TNFRSF11B: variants seen among roughly 807,000 people sequenced by gnomAD.
TNFRSF11B encodes tumor necrosis factor receptor superfamily member 11B.
Under a neutral mutation model 43.4 loss-of-function variants are expected in TNFRSF11B, and 16 were observed. The ratio of observed to expected loss-of-function variants is 0.37; its 90% CI spans 0.25 to 0.56. The LOEUF is 0.56. Among genes scored for constraint, TNFRSF11B ranks in the 20% least tolerant of loss-of-function variants. The probability of loss-of-function intolerance (pLI) is 0.80; values close to 1 mark genes in which losing one functional copy is unlikely to be tolerated. For synonymous variants in TNFRSF11B, 185 were observed against 181.8 expected (o/e 1.02, Z -0.14); for missense variants, 444 against 490.1 (o/e 0.91, Z 0.89).
At chr8:118,927,551 A>T (rs1458074039) in intron 3 of TNFRSF11B, among the ~76,000 whole-genome samples, 8 of 136,194 alleles carry the variant, frequency 5.9e-5, no homozygotes, top group South Asian at 2.4e-4. Context: ...CCCTTCCTTC[A>T]TTTTTTTTTT....
intron 1 of TNFRSF11B, among the ~76,000 whole-genome samples, chr8:118,942,238 G>C (rs1333663834): frequency 7.5e-6 from 1 of 133,802 alleles, no homozygotes; most frequent in Non-Finnish European, 1.6e-5. Flanking sequence ...CCCATGACAG[G>C]CCCCCCCGTG....
Position 118,924,253 on chromosome 8 carries a change from G to A in TNFRSF11B, c.*121C>T. On this transcript the variant is annotated 3_prime_UTR_variant, in exon 5 of 5. Coordinates refer to ENST00000297350, the MANE Select transcript of TNFRSF11B (RefSeq NM_002546.4). ...ATCATAGTTTCTTTTAGTACCCTGT[G>A]GCAAAATTAGTCACTGGTAATGAGA... 2.5e-6 allele frequency: 3 copies of A among 1,178,346 alleles called. No individual in the cohort carries two copies. Among genetic ancestry groups the A allele is most frequent in the Non-Finnish European group, 2.5e-6 (2 of 799,066 alleles). 73.0% of individuals were successfully genotyped at this position (1,178,346 alleles called of 1,614,324 possible). A position where few individuals can be genotyped will look rare whatever the true frequency, so the allele number is the denominator to read the frequency against.
chr8:118,947,812 C>T (rs2129926298), intron 1 of TNFRSF11B, among the ~76,000 whole-genome samples: 1 of 152,274 alleles, frequency 6.6e-6, no homozygotes, highest in East Asian at 1.9e-4. Context: ...CAATGCTAAC[C>T]ATGTTTTTGA....
At chr8:118,942,973 T>TCATC (rs962922487) in intron 1 of TNFRSF11B, among the ~76,000 whole-genome samples, 1 of 152,032 alleles carries the variant, frequency 6.6e-6, no homozygotes, top group African/African-American at 2.4e-5. Flanking sequence ...ACCCACCTAT[T>TCATC]CATCCATCCA....
chr8:118,937,994 C>T lies in TNFRSF11B; in HGVS notation c.31-4694G>A, dbSNP rs146246945. On this transcript the variant is annotated intron_variant, in intron 1 of 4. Coordinates refer to ENST00000297350, the MANE Select transcript of TNFRSF11B (RefSeq NM_002546.4). ...ATAAGTATATAATTTTTATTAAATG[C>T]GCTAACTGATTTTGCAATTAATCAT... 4.5e-3 allele frequency among the ~76,000 whole-genome samples: 689 copies of T among 152,048 alleles called. 7 individuals are homozygous for T. The highest frequency in any genetic ancestry group is 0.034 in the South Asian group (163 of 4,816).
intron 1 of TNFRSF11B, among the ~76,000 whole-genome samples, chr8:118,941,639 T>C (rs1246307490): frequency 6.6e-6 from 1 of 152,168 alleles, no homozygotes; most frequent in African/African-American, 2.4e-5. Context: ...AAATGTTAGG[T>C]TGAATTTGCT....
At position 118,948,047 on chromosome 8, in the gene TNFRSF11B, T is replaced by G. The variant is rs569812997; in HGVS notation, c.30+3745A>C. Among the ~76,000 whole-genome samples, 3 of 152,328 alleles carry G rather than the reference T, an allele frequency of 2.0e-5. No individual in the cohort carries two copies. The South Asian group carries it at 6.2e-4, about 32-fold the overall frequency. The stretch of plus-strand genomic sequence containing the variant: ...AAAATATATGCACTCTGAATTTCAT[T>G]TCAGGAGAGCAAGGAGGTTGTTTCA... On this transcript the variant is annotated intron_variant, in intron 1 of 4. Transcript: ENST00000297350.
rs75756944 is a variant in TNFRSF11B at position 118,940,493 on chromosome 8, C to A, written c.31-7193G>T. On this transcript the variant is annotated intron_variant, in intron 1 of 4. Coordinates refer to ENST00000297350, the MANE Select transcript of TNFRSF11B (RefSeq NM_002546.4). ...CACTACTTAGTAACCATGATCCCAC[C>A]CCTACAATAAGAATAAGACTTATTT... is the stretch of plus-strand genomic sequence containing the variant. Among the ~76,000 whole-genome samples the A allele has an allele frequency of 9.2e-5, 14 of 152,246 alleles. No homozygotes were observed. In the East Asian group the frequency reaches 2.5e-3, roughly 27 times the overall value.
At chr8:118,946,518 T>C (rs553585962) in intron 1 of TNFRSF11B, among the ~76,000 whole-genome samples, 1 of 152,320 alleles carries the variant, frequency 6.6e-6, no homozygotes, top group South Asian at 2.1e-4. Context: ...TCTTCTAGCA[T>C]AGATAGTTTA....
At chr8:118,937,822 G>T (rs1812424387) in intron 1 of TNFRSF11B, among the ~76,000 whole-genome samples, 1 of 152,108 alleles carries the variant, frequency 6.6e-6, no homozygotes, top group Admixed American at 6.5e-5. Flanking sequence ...TGAATGGATG[G>T]GTAATACTTA....
chr8:118,927,553 T>TG (rs1031968184), intron 3 of TNFRSF11B, among the ~76,000 whole-genome samples: 1 of 149,064 alleles, frequency 6.7e-6, no homozygotes, highest in Admixed American at 6.7e-5. Context: ...CTTCCTTCAT[T>TG]TTTTTTTTTT....
At chr8:118,931,926 C>T (rs1330304717) in intron 2 of TNFRSF11B, among the ~76,000 whole-genome samples, 1 of 152,072 alleles carries the variant, frequency 6.6e-6, no homozygotes, top group Non-Finnish European at 1.5e-5. Context: ...TTTTGGCTGT[C>T]ACATGGGGGA....
chr8:118,944,066 T>C (rs3102728), intron 1 of TNFRSF11B, among the ~76,000 whole-genome samples: 14,014 of 152,234 alleles, frequency 0.092, 907 homozygotes, highest in South Asian at 0.2. Flanking sequence ...TTTGTAAATG[T>C]TCTTTGCAGT....
chr8:118,945,581 C>G (rs972024962), intron 1 of TNFRSF11B, among the ~76,000 whole-genome samples: 1 of 152,098 alleles, frequency 6.6e-6, no homozygotes, highest in African/African-American at 2.4e-5. Context: ...TCACCATGAC[C>G]CACAACTGAA....
In TNFRSF11B at chr8:118,932,926, C is replaced by T. The variant is rs372860364; in HGVS notation, c.400+5G>A. 9.9e-6 allele frequency: 16 copies of T among 1,613,998 alleles called. No homozygotes were observed. Among genetic ancestry groups the T allele is most frequent in the East Asian group, 4.5e-5 (2 of 44,884 alleles). ...TAATTAATTTTGCTGCACATTGACA[C>T]GTACCAGCTTGCACCACTCCAAATC... On this transcript the variant is annotated splice_donor_5th_base_variant and intron_variant, in intron 2 of 4. Coordinates refer to ENST00000297350, the MANE Select transcript of TNFRSF11B (RefSeq NM_002546.4).
chr8:118,924,295 C>T lies in TNFRSF11B; in HGVS notation c.*79G>A, dbSNP rs1237313855. ...GTAATGAGAAAGATATCACTGAAAG[C>T]CTCAAGTGCCTGAGAAACAGTTTAC... On this transcript the variant is annotated 3_prime_UTR_variant, in exon 5 of 5. Coordinates refer to ENST00000297350, the MANE Select transcript of TNFRSF11B (RefSeq NM_002546.4). 1.3e-6 allele frequency: 2 copies of T among 1,533,732 alleles called. No homozygotes were observed. Among genetic ancestry groups the T allele is most frequent in the Non-Finnish European group, 1.8e-6 (2 of 1,112,762 alleles).
chr8:118,926,567 T>C lies in TNFRSF11B; in HGVS notation c.744A>G (p.Glu248=). The C allele has an allele frequency of 6.2e-6, 10 of 1,614,172 alleles. No homozygotes were observed. Among genetic ancestry groups the C allele is most frequent in the Admixed American group, 1.7e-5 (1 of 60,030 alleles). ...ERIKRQHSSQ[E]QTFQLLKLWK... ...ATAACTTCAGCAGCTGGAAAGTCTG[T>C]TCTTGTGAGCTGTGTTGCCGTTTTA... Residue 248 remains glutamate, a synonymous_variant, in exon 4 of 5, where the codon GAA becomes GAG. Transcript: ENST00000297350.
chr8:118,924,788 G>A, intron 4 of TNFRSF11B, 26 bp from the exon 5 acceptor site: 1 of 1,613,814 alleles, frequency 6.2e-7, no homozygotes, highest in Non-Finnish European at 8.5e-7. Flanking sequence ...GCCCAGATAA[G>A]TGTTCACATC....
At chr8:118,944,246 C>G (rs75463630) in intron 1 of TNFRSF11B, among the ~76,000 whole-genome samples, 3 of 152,276 alleles carry the variant, frequency 2.0e-5, no homozygotes, top group Non-Finnish European at 2.9e-5. Flanking sequence ...GCTGAAGACT[C>G]TTACCATTGT....
Sources: allele counts gnomAD v4.1 joint callset (sites outside exome capture counted in the v4.1 genomes callset), GRCh38; gene constraint gnomAD v4.1.1; transcripts MANE v1.5; gene names NCBI Gene and HGNC (gene_info 2026-07-23, HGNC 2026-07-21).